CDH23: variants seen among roughly 807,000 people sequenced by gnomAD.
CDH23 encodes the protein cadherin related 23, also known as cadherin-23.
Under a neutral mutation model 317.1 loss-of-function variants are expected in CDH23, and 189 were observed. That is an observed-to-expected ratio of 0.60 (90% CI 0.53 to 0.67). The LOEUF (loss-of-function observed/expected upper bound fraction) is 0.67, where lower values mean the gene tolerates loss of function less well. Ranked by LOEUF, CDH23 falls within the 30% of genes least tolerant of loss-of-function variation. The probability of loss-of-function intolerance (pLI) is 0.00; values close to 1 mark genes in which losing one functional copy is unlikely to be tolerated. For synonymous variants in CDH23, 1,839 were observed against 1,876.8 expected, an observed-to-expected ratio of 0.98 and a Z score of 0.52; for missense variants, 4,401 against 4,592.4, an observed-to-expected ratio of 0.96 and a Z score of 1.20.
chr10:71,729,896 G>A (rs1428363674), intron 30 of CDH23, among the ~76,000 whole-genome samples: 2 of 151,474 alleles, frequency 1.3e-5, no homozygotes, highest in South Asian at 2.1e-4. Flanking sequence ...GTGCAGTGGC[G>A]CGATCTTGGT....
chr10:71,528,599 C>A (rs1035980439), intron 6 of CDH23, among the ~76,000 whole-genome samples: 1 of 152,260 alleles, frequency 6.6e-6, no homozygotes, highest in Non-Finnish European at 1.5e-5. Context: ...GAAAGCTATT[C>A]TCTTCCTGCG....
At chr10:71,401,950 A>G (rs1299092266) in intron 1 of CDH23, among the ~76,000 whole-genome samples, 1 of 152,244 alleles carries the variant, frequency 6.6e-6, no homozygotes, top group Non-Finnish European at 1.5e-5. Context: ...CCCATAGGGC[A>G]GAAAATGCAT....
chr10:71,439,666 C>T (rs939968232), intron 1 of CDH23, among the ~76,000 whole-genome samples, 161 bp from the exon 2 acceptor site: 2 of 152,240 alleles, frequency 1.3e-5, no homozygotes, highest in Non-Finnish European at 2.9e-5. Context: ...AGACCCTCTC[C>T]TTTCTCCCAT....
At chr10:71,665,706 T>A (rs1275058347) in intron 14 of CDH23, among the ~76,000 whole-genome samples, 1 of 152,198 alleles carries the variant, frequency 6.6e-6, no homozygotes, top group African/African-American at 2.4e-5. Flanking sequence ...TGCAGCATGC[T>A]GGCCAACCCC....
At chr10:71,585,994 G>A (rs1435194819) in intron 9 of CDH23, among the ~76,000 whole-genome samples, 1 of 152,194 alleles carries the variant, frequency 6.6e-6, no homozygotes, top group Non-Finnish European at 1.5e-5. Flanking sequence ...CCATGGGCAG[G>A]AGTCTGTCTC....
chr10:71,544,306 G>A (rs757299226), intron 6 of CDH23, among the ~76,000 whole-genome samples: 4 of 152,118 alleles, frequency 2.6e-5, no homozygotes, highest in African/African-American at 4.8e-5. Flanking sequence ...GAGAGTGGGC[G>A]GAAAACAACT....
chr10:71,588,949 C>G (rs1204524023), intron 9 of CDH23, among the ~76,000 whole-genome samples: 1 of 152,218 alleles, frequency 6.6e-6, no homozygotes, highest in African/African-American at 2.4e-5. Flanking sequence ...CACTTGGGAT[C>G]TGGGTCCCAT....
At chr10:71,457,811 T>TG (rs949806468) in intron 3 of CDH23, among the ~76,000 whole-genome samples, 2 of 152,216 alleles carry the variant, frequency 1.3e-5, no homozygotes, top group Non-Finnish European at 2.9e-5. Context: ...AAAATGACTT[T>TG]GGGGAAAATA....
In CDH23 at chr10:71,778,186, C is replaced by T; in HGVS notation, c.5068-3C>T. The T allele has an allele frequency of 1.9e-6, 3 of 1,613,864 alleles. No homozygotes were observed. The highest frequency in any genetic ancestry group is 2.5e-6 in the Non-Finnish European group (3 of 1,179,862). On this transcript the variant is annotated splice_region_variant and splice_polypyrimidine_tract_variant and intron_variant, in intron 39 of 69. Transcript: ENST00000224721. The stretch of plus-strand genomic sequence containing the variant: ...ATCCTTGTCCCTTCCCTGTGTCCCC[C>T]AGGGTGTCATCACTGCTGCCAAAGA...
intron 28 of CDH23, chr10:71,714,960 G>T (rs763710024): frequency 6.6e-6 from 1 of 152,256 alleles, no homozygotes; most frequent in Non-Finnish European, 1.5e-5. Context: ...CCCATCCTGG[G>T]GTGGGACTGC....
rs1482887339 is a variant in CDH23, at chr10:71,605,149, G to A, written c.833-10355G>A. Among the ~76,000 whole-genome samples the A allele has an allele frequency of 6.6e-5, 10 of 152,116 alleles. No homozygotes were observed. The East Asian group carries it at 7.7e-4, about 12-fold the overall frequency. On this transcript the variant is annotated intron_variant, in intron 9 of 69. Transcript: ENST00000224721. ...TTACCATTTTAAAGTGTGCAATTCC[G>A]CGGCATTAATTACATTCACAGTGTT...
intron 38 of CDH23, among the ~76,000 whole-genome samples, chr10:71,766,218 A>G (rs1021997896): frequency 1.3e-5 from 2 of 152,224 alleles, no homozygotes; most frequent in Admixed American, 1.3e-4. Flanking sequence ...GAGACCGGGA[A>G]AAGTGGGTGG....
At position 71,727,577 on chromosome 10, in the gene CDH23, C is replaced by T. The variant is rs116297127; in HGVS notation, c.3579+2057C>T. ...ATCCTCCAGTTCCTGCCTCAGAGAC[C>T]GGGGACAGCCCCAGTGAGGGGCCGG... On this transcript the variant is annotated intron_variant, in intron 30 of 69. Coordinates refer to ENST00000224721, the MANE Select transcript of CDH23 (RefSeq NM_022124.6). 3.2e-3 allele frequency among the ~76,000 whole-genome samples: 492 copies of T among 152,258 alleles called. 1 individual carries two copies. Among genetic ancestry groups the T allele is most frequent in the African/African-American group, 9.3e-3 (388 of 41,540 alleles).
chr10:71,526,780 G>A (rs1249675607), intron 6 of CDH23, among the ~76,000 whole-genome samples: 5 of 152,166 alleles, frequency 3.3e-5, no homozygotes, highest in Middle Eastern at 3.2e-3. Flanking sequence ...TGGCCAAGGC[G>A]TTGGGATTCT....
intron 14 of CDH23, among the ~76,000 whole-genome samples, chr10:71,667,423 G>A (rs1863962843): frequency 1.3e-5 from 2 of 150,998 alleles, no homozygotes; most frequent in South Asian, 2.1e-4. Context: ...GGGTGGAGGT[G>A]TGGGAGACCT....
At chr10:71,582,950 C>G (rs969903137) in intron 9 of CDH23, among the ~76,000 whole-genome samples, 1 of 152,154 alleles carries the variant, frequency 6.6e-6, no homozygotes, top group African/African-American at 2.4e-5. Context: ...AGTGATGGCT[C>G]CCTGGGGGCC....
At chr10:71,773,502 G>A (rs985292816) in intron 38 of CDH23, 2 of 1,496,800 alleles carry the variant, frequency 1.3e-6, no homozygotes, top group Admixed American at 2.0e-5. Context: ...CGGCCGGCGC[G>A]GGGAAGCCTC....
At chr10:71,439,619 A>G (rs1437423859) in intron 1 of CDH23, among the ~76,000 whole-genome samples, 1 of 152,214 alleles carries the variant, frequency 6.6e-6, no homozygotes, top group Non-Finnish European at 1.5e-5. Flanking sequence ...CCACTGTGCT[A>G]TACCCAGGAT....
intron 9 of CDH23, among the ~76,000 whole-genome samples, chr10:71,583,686 T>C (rs1858818483): frequency 6.6e-6 from 1 of 152,186 alleles, no homozygotes; most frequent in Non-Finnish European, 1.5e-5. Context: ...TCTGCTGTCG[T>C]CCGCAGCTCA....
Sources: allele counts gnomAD v4.1 joint callset (sites outside exome capture counted in the v4.1 genomes callset), GRCh38; gene constraint gnomAD v4.1.1; transcripts MANE v1.5; gene names NCBI Gene and HGNC (gene_info 2026-07-23, HGNC 2026-07-21).